DHRSX: variants seen among roughly 807,000 people sequenced by gnomAD.
The protein encoded by DHRSX is dehydrogenase/reductase X-linked.
DHRSX carries 31 observed loss-of-function variants against 34.0 expected under a neutral mutation model. That is an observed-to-expected ratio of 0.91 (90% CI 0.69 to 1.23). The LOEUF (loss-of-function observed/expected upper bound fraction) is 1.23, where lower values mean the gene tolerates loss of function less well. Ranked by LOEUF, DHRSX falls within the 50% of genes most tolerant of loss-of-function variation. The probability of loss-of-function intolerance (pLI) is 0.00; values close to 1 mark genes in which losing one functional copy is unlikely to be tolerated. For missense variants in DHRSX, 414 were observed against 428.1 expected (o/e 0.97, Z 0.29); for synonymous variants, 201 against 183.8 (o/e 1.09, Z -0.76).
chrX:2,382,697 C>T (rs2043221276), intron 3 of DHRSX, among the ~76,000 whole-genome samples: 1 of 147,146 alleles, frequency 6.8e-6, no homozygotes, highest in Non-Finnish European at 1.5e-5. Context: ...TCATCACCAT[C>T]ATCACCATCA....
intron 3 of DHRSX, among the ~76,000 whole-genome samples, chrX:2,303,081 A>G (rs2042032562): frequency 6.6e-6 from 1 of 152,234 alleles, no homozygotes; most frequent in Admixed American, 6.5e-5. Flanking sequence ...CCAGTGATCA[A>G]AGGATGGGTA....
intron 3 of DHRSX, among the ~76,000 whole-genome samples, chrX:2,320,986 C>T (rs1313711615): frequency 6.6e-6 from 1 of 151,970 alleles, no homozygotes; most frequent in East Asian, 1.9e-4. Context: ...GTTACTTAAC[C>T]CTGTGGCTTG....
In DHRSX at chrX:2,437,187, G is replaced by A. The variant is rs746285591; in HGVS notation, c.110-11883C>T. Among the ~76,000 whole-genome samples the A allele has an allele frequency of 3.9e-5, 6 of 152,188 alleles. No individual in the cohort carries two copies. The South Asian group carries it at 1.2e-3, about 31-fold the overall frequency. ...TAATTTTTTTTGCATCTTTAGTAGA[G>A]ATGGAGTTTCACCGTGTTAGCCAGG... On this transcript the variant is annotated intron_variant, in intron 1 of 6. Coordinates refer to ENST00000334651, the MANE Select transcript of DHRSX (RefSeq NM_145177.3).
intron 2 of DHRSX, among the ~76,000 whole-genome samples, chrX:2,424,466 C>T (rs953625931): frequency 5.9e-5 from 9 of 151,908 alleles, no homozygotes; most frequent in African/African-American, 1.7e-4. Context: ...TGATATTGAA[C>T]CTCCAGCCTC....
chrX:2,336,937 G>T (rs1244471658), intron 3 of DHRSX, among the ~76,000 whole-genome samples: 1 of 151,970 alleles, frequency 6.6e-6, no homozygotes, highest in African/African-American at 2.4e-5. Context: ...GTGCCATGCT[G>T]GTTTCCTGCA....
intron 1 of DHRSX, among the ~76,000 whole-genome samples, chrX:2,447,378 C>A (rs2044152198): frequency 6.6e-6 from 1 of 151,974 alleles, no homozygotes; most frequent in Non-Finnish European, 1.5e-5. Context: ...GACCAAGGGA[C>A]CAACGCCGTA....
chrX:2,339,765 A>G (rs2042617789), intron 3 of DHRSX, among the ~76,000 whole-genome samples: 1 of 151,966 alleles, frequency 6.6e-6, no homozygotes. Context: ...TATACATTCT[A>G]TCATTGATGG....
chrX:2,269,207 A>G (rs868175721), intron 4 of DHRSX, among the ~76,000 whole-genome samples: 8 of 152,320 alleles, frequency 5.3e-5, no homozygotes, highest in Non-Finnish European at 8.8e-5. Flanking sequence ...GCATGTGTAC[A>G]TATTTTCCTA....
chrX:2,358,463 C>T (rs2042885373), intron 3 of DHRSX, among the ~76,000 whole-genome samples: 1 of 152,012 alleles, frequency 6.6e-6, no homozygotes. Context: ...TTTGGGAGGC[C>T]GAGGCGGGTG....
rs149241886 is a variant in DHRSX, at chrX:2,379,431, G to A, written c.286+29314C>T. Among the ~76,000 whole-genome samples the A allele has an allele frequency of 9.2e-3, 1,401 of 152,148 alleles. 32 individuals are homozygous for A. In the East Asian group the frequency reaches 0.093, roughly 10 times the overall value. On this transcript the variant is annotated intron_variant, in intron 3 of 6. Transcript: ENST00000334651. ...ACGAAGGGTTAATTAATCTGAGCCTGCCTGAGTTATCTGTGAATGAGGATA... is the reference window on the plus strand; with the variant it reads ...ACGAAGGGTTAATTAATCTGAGCCTACCTGAGTTATCTGTGAATGAGGATA...
intron 3 of DHRSX, among the ~76,000 whole-genome samples, chrX:2,312,600 G>C (rs188137768): frequency 6.6e-6 from 1 of 152,160 alleles, no homozygotes; most frequent in African/African-American, 2.4e-5. Flanking sequence ...GGGAGGGAGA[G>C]CATTAGGACA....
intron 1 of DHRSX, 45 bp downstream of exon 1, chrX:2,500,772 C>G: frequency 1.0e-6 from 1 of 999,774 alleles, no homozygotes; most frequent in Non-Finnish European, 1.2e-6. Flanking sequence ...CAGCCCGCGC[C>G]CACCCGGGTC....
At chrX:2,397,311 T>C (rs760680008) in intron 3 of DHRSX, among the ~76,000 whole-genome samples, 8 of 152,188 alleles carry the variant, frequency 5.3e-5, no homozygotes, top group African/African-American at 1.4e-4. Context: ...TTTGTTAATA[T>C]TTTGTAGAGA....
chrX:2,359,881 A>G (rs1179133987), intron 3 of DHRSX, among the ~76,000 whole-genome samples: 3 of 152,114 alleles, frequency 2.0e-5, no homozygotes, highest in East Asian at 1.9e-4. Context: ...TGATGAGAAC[A>G]TATGGACACA....
At chrX:2,382,582 C>A (rs867256063) in intron 3 of DHRSX, among the ~76,000 whole-genome samples, 2 of 19,820 alleles carry the variant, frequency 1.0e-4, no homozygotes, top group African/African-American at 2.7e-4. Context: ...ATCACCATCA[C>A]CATCATCATC....
chrX:2,435,166 G>A (rs1223811759), intron 1 of DHRSX, among the ~76,000 whole-genome samples: 2 of 152,060 alleles, frequency 1.3e-5, no homozygotes, highest in South Asian at 2.1e-4. Context: ...GATGCAGAGA[G>A]AGAAACAGGA....
rs762329410 is a variant in DHRSX, at chrX:2,388,571, G to A, written c.286+20174C>T. 7.2e-5 allele frequency among the ~76,000 whole-genome samples: 11 copies of A among 151,954 alleles called. No homozygotes were observed. In the East Asian group the frequency reaches 1.2e-3, roughly 16 times the overall value. ...TCTCAGATGTCCAGCCTCCAGTACTGTGGGAGAATCAATGTCTATTGTTTC... is the reference window on the plus strand; with the variant it reads ...TCTCAGATGTCCAGCCTCCAGTACTATGGGAGAATCAATGTCTATTGTTTC... On this transcript the variant is annotated intron_variant, in intron 3 of 6. Coordinates refer to ENST00000334651, the MANE Select transcript of DHRSX (RefSeq NM_145177.3).
intron 5 of DHRSX, chrX:2,261,895 G>T (rs753181130): frequency 6.6e-6 from 1 of 152,336 alleles, no homozygotes; most frequent in South Asian, 2.1e-4. Flanking sequence ...GTGTTCCTGT[G>T]TGTCTTTGGC....
At chrX:2,346,009 C>T (rs979831263) in intron 3 of DHRSX, among the ~76,000 whole-genome samples, 14 of 152,144 alleles carry the variant, frequency 9.2e-5, no homozygotes, top group East Asian at 1.9e-4. Context: ...CCTGGTTCTG[C>T]GGCACCCACC....
Sources: allele counts gnomAD v4.1 joint callset (sites outside exome capture counted in the v4.1 genomes callset), GRCh38; gene constraint gnomAD v4.1.1; transcripts MANE v1.5; gene names NCBI Gene and HGNC (gene_info 2026-07-23, HGNC 2026-07-21).